Variants in BCAS3 observed in about 807,000 individuals in gnomAD.
BCAS3 encodes the protein BCAS4/BCAS3 fusion.
Under a neutral mutation model 116.1 loss-of-function variants are expected in BCAS3, and 53 were observed. The observed-to-expected ratio is 0.46, with a 90% CI of 0.37 to 0.57. BCAS3 has a LOEUF of 0.57. BCAS3 is among the 20% of genes least tolerant of loss of function. The pLI is 0.00. For synonymous variants in BCAS3, 391 were observed against 408.2 expected, an observed-to-expected ratio of 0.96 and a Z score of 0.51; for missense variants, 917 against 1,165.4, an observed-to-expected ratio of 0.79 and a Z score of 3.10.
intron 14 of BCAS3, among the ~76,000 whole-genome samples, chr17:60,957,603 C>T (rs1414689164): frequency 6.6e-6 from 1 of 152,150 alleles, no homozygotes; most frequent in African/African-American, 2.4e-5. Context: ...TTACAGTTTG[C>T]ATATCATCAC....
intron 22 of BCAS3, among the ~76,000 whole-genome samples, chr17:61,099,822 G>T (rs1191130172): frequency 6.6e-6 from 1 of 152,126 alleles, no homozygotes; most frequent in Middle Eastern, 3.2e-3. Context: ...TAATTTTAGG[G>T]ATATTTTGGG....
intron 22 of BCAS3, among the ~76,000 whole-genome samples, chr17:61,115,985 G>A (rs908431796): frequency 4.0e-5 from 6 of 149,640 alleles, no homozygotes; most frequent in South Asian, 2.1e-4. Flanking sequence ...GTAAACTATC[G>A]CAAGAACAAA....
chr17:60,769,603 C>A (rs1313355445), intron 6 of BCAS3, among the ~76,000 whole-genome samples: 1 of 152,044 alleles, frequency 6.6e-6, no homozygotes, highest in Non-Finnish European at 1.5e-5. Context: ...AGCAGCTAGG[C>A]AGGTGGTTGT....
rs1037845798 is a variant in BCAS3, at chr17:61,390,115, C to T, written c.2594-1862C>T. 8 of 152,480 alleles carry T rather than the reference C, an allele frequency of 5.2e-5. No individual in the cohort carries two copies. In the South Asian group the frequency reaches 1.7e-3, roughly 32 times the overall value. 9.4% of individuals were successfully genotyped at this position (152,480 alleles called of 1,614,324 possible). ...TCTCCCGCCCGCCTGGCCCTGCTGT[C>T]AGCGCCCCCTAGTGCCGGGCCGGCC... On this transcript the variant is annotated intron_variant, in intron 23 of 23. Coordinates refer to ENST00000407086, the MANE Select transcript of BCAS3 (RefSeq NM_017679.5). The surrounding 1 kb of genome is among the most constrained non-coding windows in gnomAD (Gnocchi z 6.8).
In BCAS3 at chr17:60,910,693, A is replaced by T; in HGVS notation, c.984A>T (p.Gly328=). Residue 328 remains glycine (G), a synonymous_variant, in exon 12 of 24, where the codon GGA becomes GGT. Transcript: ENST00000407086. Reference sequence around the variant, plus strand: ...CAGTTATTGACACCGAAACCGTTGGAGAGGGCCAGGTAAGAAGAACTTTTG... The same window carrying T: ...CAGTTATTGACACCGAAACCGTTGGTGAGGGCCAGGTAAGAAGAACTTTTG... ...IITVIDTETV[G]EGQVLVSEDS... 6.2e-7 allele frequency: 1 copy of T among 1,606,054 alleles called. No homozygotes were observed. The highest frequency in any genetic ancestry group is 8.5e-7 in the Non-Finnish European group (1 of 1,176,376).
chr17:60,959,748 A>C (rs929965098), intron 14 of BCAS3, among the ~76,000 whole-genome samples: 1 of 152,160 alleles, frequency 6.6e-6, no homozygotes, highest in Non-Finnish European at 1.5e-5. Flanking sequence ...TGGGAGCCTA[A>C]AATATCAAAA....
chr17:61,045,005 C>T (rs2067913078), intron 19 of BCAS3, among the ~76,000 whole-genome samples: 1 of 151,886 alleles, frequency 6.6e-6, no homozygotes, highest in African/African-American at 2.4e-5. Context: ...TGTGATCCAC[C>T]CCGTCTCTGC....
chr17:61,090,246 T>C (rs2073440954), intron 22 of BCAS3, among the ~76,000 whole-genome samples: 1 of 152,216 alleles, frequency 6.6e-6, no homozygotes, highest in Admixed American at 6.5e-5. Context: ...TAAGATATTT[T>C]TTGAATAAAT....
chr17:60,888,433 A>C (rs896751711), intron 9 of BCAS3, among the ~76,000 whole-genome samples: 5 of 152,168 alleles, frequency 3.3e-5, no homozygotes, highest in Non-Finnish European at 5.9e-5. Context: ...AAACTTTCTT[A>C]TAGATCATAT....
In BCAS3 at chr17:61,251,137, C is replaced by T. The variant is rs1259264412; in HGVS notation, c.2426-117190C>T. 1.3e-5 allele frequency among the ~76,000 whole-genome samples: 2 copies of T among 152,214 alleles called. No homozygotes were observed. Among genetic ancestry groups the T allele is most frequent in the African/African-American group, 4.8e-5 (2 of 41,454 alleles). ...TTACATCACTGGTGCAAGAATTGGG[C>T]AGTGCTTGCCCAGCTGGAAGGTGAG... On this transcript the variant is annotated intron_variant, in intron 22 of 23. Transcript: ENST00000407086. The surrounding 1 kb of genome is among the most constrained non-coding windows in gnomAD (Gnocchi z 4.7).
In BCAS3 at chr17:61,214,599, A is replaced by G. The variant is rs1442703430; in HGVS notation, c.2425+130035A>G. 6.7e-6 allele frequency among the ~76,000 whole-genome samples: 1 copy of G among 150,342 alleles called. No individual in the cohort carries two copies. Among genetic ancestry groups the G allele is most frequent in the East Asian group, 2.0e-4 (1 of 5,048 alleles). ...CCAGCTACTCCGGAGGCTGAGGCAGAAGAACAGCATGAACCTGGGAGGCGG... is the reference window on the plus strand; with the variant it reads ...CCAGCTACTCCGGAGGCTGAGGCAGGAGAACAGCATGAACCTGGGAGGCGG... On this transcript the variant is annotated intron_variant, in intron 22 of 23. Transcript: ENST00000407086. This position sits in a 1 kb window ranked among gnomAD's most constrained non-coding sequence, Gnocchi z 4.4.
rs1351731160 is a variant in BCAS3 at position 61,347,718 on chromosome 17, T to C, written c.2426-20609T>C. Among the ~76,000 whole-genome samples the C allele has an allele frequency of 6.6e-6, 1 of 152,172 alleles. No individual in the cohort carries two copies. Among genetic ancestry groups the C allele is most frequent in the Non-Finnish European group, 1.5e-5 (1 of 68,010 alleles). ...GGTGACTCTAGGTGCTATGTGAAGG[T>C]AAGCCTAGGGTGTTGTGGGGGCCGG... On this transcript the variant is annotated intron_variant, in intron 22 of 23. Coordinates refer to ENST00000407086, the MANE Select transcript of BCAS3 (RefSeq NM_017679.5). The surrounding 1 kb of genome is among the most constrained non-coding windows in gnomAD (Gnocchi z 4.3).
chr17:61,176,015 T>A (rs894296808), intron 22 of BCAS3, among the ~76,000 whole-genome samples: 4 of 151,458 alleles, frequency 2.6e-5, no homozygotes, highest in African/African-American at 9.7e-5. Context: ...GTATGTGCCT[T>A]GTAGTCCCAG....
chr17:60,877,173 G>GATAT (rs10538503), intron 9 of BCAS3, among the ~76,000 whole-genome samples: 29 of 147,438 alleles, frequency 2.0e-4, no homozygotes, highest in Admixed American at 6.8e-4. Flanking sequence ...TTTAAGAAAT[G>GATAT]ATATATATAT....
rs140351681 is a variant in BCAS3 at position 61,166,116 on chromosome 17, G to T, written c.2425+81552G>T. ...AGTTTTTCCCTTTTTCCCCATAATT[G>T]CTAGTTTAGTCTTTGCAAAACAAAG... On this transcript the variant is annotated intron_variant, in intron 22 of 23. Coordinates refer to ENST00000407086, the MANE Select transcript of BCAS3 (RefSeq NM_017679.5). Among the ~76,000 whole-genome samples, 15 of 152,196 alleles carry T rather than the reference G, an allele frequency of 9.9e-5. No homozygotes were observed. The East Asian group carries it at 2.7e-3, about 27-fold the overall frequency.
intron 6 of BCAS3, among the ~76,000 whole-genome samples, chr17:60,753,069 C>T (rs1441045964): frequency 2.6e-5 from 4 of 152,140 alleles, no homozygotes; most frequent in Admixed American, 2.0e-4. Flanking sequence ...GTCTTGAACC[C>T]CTGGCCTCAA....
In BCAS3 at chr17:61,082,558, G is replaced by C. The variant is rs78967689; in HGVS notation, c.2328-1909G>C. The stretch of plus-strand genomic sequence containing the variant: ...TATAAATTGACTAACTATAGGAGTT[G>C]TATTAGCCCACATAGGAAGTTGTTT... On this transcript the variant is annotated intron_variant, in intron 21 of 23. Transcript: ENST00000407086. The surrounding 1 kb of genome is among the most constrained non-coding windows in gnomAD (Gnocchi z 5.1). Among the ~76,000 whole-genome samples, 1,380 of 152,290 alleles carry C rather than the reference G, an allele frequency of 9.1e-3. 25 individuals carry two copies. Among genetic ancestry groups the C allele is most frequent in the African/African-American group, 0.032 (1,317 of 41,540 alleles).
At chr17:60,890,314 C>T (rs1456234752) in intron 10 of BCAS3, among the ~76,000 whole-genome samples, 5 of 151,940 alleles carry the variant, frequency 3.3e-5, no homozygotes, top group African/African-American at 7.3e-5. Context: ...ATTAGCCGGG[C>T]GTGGTGGCAT....
Position 61,037,989 on chromosome 17 carries a change from C to T in BCAS3, c.1863C>T (p.Pro621=), listed in dbSNP as rs772254980. ...MMEPRPLSTA[P]KISDDTPLEM... is the part of the protein sequence containing the mutation. ...AGCCGCGACCCCTCAGCACTGCACC[C>T]AAGATTAGTGACGACACACCACTGG... The change falls in exon 18 of 24, where the codon CCC becomes CCT. Residue 621 remains proline (P), a synonymous_variant. Transcript: ENST00000407086. The surrounding 1 kb of genome is among the most constrained non-coding windows in gnomAD (Gnocchi z 4.7). The T allele has an allele frequency of 5.5e-5, 88 of 1,614,050 alleles. No homozygotes were observed. Among genetic ancestry groups the T allele is most frequent in the Non-Finnish European group, 6.5e-5 (77 of 1,180,036 alleles).
Sources: allele counts gnomAD v4.1 joint callset (sites outside exome capture counted in the v4.1 genomes callset), GRCh38; gene constraint gnomAD v4.1.1; non-coding constraint Gnocchi (gnomAD v3.1); transcripts MANE v1.5; gene names NCBI Gene and HGNC (gene_info 2026-07-23, HGNC 2026-07-21).